GRM7: variants seen among roughly 807,000 people sequenced by gnomAD.
The protein encoded by GRM7 is glutamate metabotropic receptor 7, also known as metabotropic glutamate receptor 7.
GRM7 carries 35 observed loss-of-function variants against 84.5 expected under a neutral mutation model. The observed-to-expected ratio is 0.41, with a 90% CI of 0.32 to 0.55. GRM7 has a LOEUF of 0.55. Among genes scored for constraint, GRM7 ranks in the 20% least tolerant of loss-of-function variants. GRM7 has a pLI of 0.19. For synonymous variants in GRM7, 487 were observed against 455.1 expected (o/e 1.07, Z -0.89); for missense variants, 1,003 against 1,194.6 (o/e 0.84, Z 2.36).
At chr3:7,076,851 C>T (rs759183079) in intron 1 of GRM7, among the ~76,000 whole-genome samples, 1 of 152,112 alleles carries the variant, frequency 6.6e-6, no homozygotes, top group African/African-American at 2.4e-5. Context: ...GGGCTACTAT[C>T]CAGAATCTAC....
intron 2 of GRM7, among the ~76,000 whole-genome samples, chr3:7,174,821 GCAACTTTACTC>G (rs1695093577): frequency 6.6e-6 from 1 of 152,202 alleles, no homozygotes; most frequent in Admixed American, 6.5e-5. Flanking sequence ...GCCTTCCAGG[GCAACTTTACTC>G]AATGGAAAGA....
At position 7,229,747 on chromosome 3, in the gene GRM7, ATATATATATATATTTTT is replaced by A. The variant is rs1559514630; in HGVS notation, c.737-68935_737-68919del. Among the ~76,000 whole-genome samples, 29 of 29,766 alleles carry A rather than the reference ATATATATATATATTTTT, an allele frequency of 9.7e-4. 2 individuals are homozygous for A. The highest frequency in any genetic ancestry group is 1.2e-3 in the Non-Finnish European group (19 of 15,570). The allele number at this position is 29,766 out of a possible 152,430, so 19.5% of individuals were successfully genotyped here. The stretch of plus-strand genomic sequence containing the variant: ...CACACATATATATATATATATATAT[ATATATATATATATTTTT>A]TTTTTTTTTTGGTTGACAGGTGTTG... On this transcript the variant is annotated intron_variant, in intron 2 of 9. Transcript: ENST00000357716.
intron 4 of GRM7, among the ~76,000 whole-genome samples, chr3:7,359,066 C>T (rs1693541680): frequency 7.0e-6 from 1 of 142,194 alleles, no homozygotes; most frequent in Admixed American, 7.5e-5. Flanking sequence ...GAGCCGAGAT[C>T]ATGCCACTGC....
chr3:7,167,401 C>T lies in GRM7; in HGVS notation c.736+20733C>T, dbSNP rs578183098. Among the ~76,000 whole-genome samples, 25 of 152,284 alleles carry T rather than the reference C, an allele frequency of 1.6e-4. No individual in the cohort carries two copies. The East Asian group carries it at 4.6e-3, about 28-fold the overall frequency. On this transcript the variant is annotated intron_variant, in intron 2 of 9. Coordinates refer to ENST00000357716, the MANE Select transcript of GRM7 (RefSeq NM_000844.4). ...GGGTTTCCACACATCCCTGCATGTG[C>T]CATTGCAGAGGGCCATTTTATAGTT...
At chr3:7,607,141 A>G (rs1026258722) in intron 8 of GRM7, 1 of 152,166 alleles carries the variant, frequency 6.6e-6, no homozygotes, top group African/African-American at 2.4e-5. Flanking sequence ...ACAAAATGAC[A>G]CTTGATTTTC....
chr3:7,189,190 C>T (rs944598716), intron 2 of GRM7, among the ~76,000 whole-genome samples: 10 of 152,162 alleles, frequency 6.6e-5, no homozygotes, highest in Non-Finnish European at 1.0e-4. Flanking sequence ...ATGCATGTAT[C>T]TCAATATATC....
intron 8 of GRM7, among the ~76,000 whole-genome samples, chr3:7,639,179 T>A (rs1023996748): frequency 2.6e-5 from 4 of 152,222 alleles, no homozygotes; most frequent in Non-Finnish European, 2.9e-5. Flanking sequence ...TATCATTCAA[T>A]ATGTCCAGCA....
At chr3:7,043,075 A>C (rs976714872) in intron 1 of GRM7, among the ~76,000 whole-genome samples, 1 of 152,174 alleles carries the variant, frequency 6.6e-6, no homozygotes, top group Non-Finnish European at 1.5e-5. Context: ...TGCTCCATAC[A>C]TTATGAGGTT....
At chr3:7,286,718 T>A (rs1699443956) in intron 2 of GRM7, among the ~76,000 whole-genome samples, 1 of 152,168 alleles carries the variant, frequency 6.6e-6, no homozygotes, top group Non-Finnish European at 1.5e-5. Flanking sequence ...TGCATGCATG[T>A]CTCTTCCTCT....
intron 4 of GRM7, among the ~76,000 whole-genome samples, chr3:7,361,127 T>C (rs1693643416): frequency 6.6e-6 from 1 of 152,178 alleles, no homozygotes; most frequent in Admixed American, 6.5e-5. Context: ...TTTGTGTTTC[T>C]TTTCTTATTC....
At chr3:7,241,950 A>T (rs2875258) in intron 2 of GRM7, among the ~76,000 whole-genome samples, 1 of 152,140 alleles carries the variant, frequency 6.6e-6, no homozygotes, top group Non-Finnish European at 1.5e-5. Flanking sequence ...GCTGTTTTTT[A>T]AAAATCTCCT....
At chr3:7,208,220 T>C (rs528625810) in intron 2 of GRM7, among the ~76,000 whole-genome samples, 1 of 152,216 alleles carries the variant, frequency 6.6e-6, no homozygotes, top group Admixed American at 6.5e-5. Context: ...TTTCAGATAA[T>C]TTTTTCAGTG....
At position 7,328,430 on chromosome 3, in the gene GRM7, G is replaced by T. The variant is rs182552954; in HGVS notation, c.1033+21778G>T. ...AGTATTTTAGCTTCCCTGCTGCTTT[G>T]AGATGGCCAGGTGTCTGAGTTCTGG... On this transcript the variant is annotated intron_variant, in intron 4 of 9. Transcript: ENST00000357716. 3.3e-5 allele frequency among the ~76,000 whole-genome samples: 5 copies of T among 152,246 alleles called. No homozygotes were observed. The East Asian group carries it at 9.7e-4, about 29-fold the overall frequency.
intron 4 of GRM7, among the ~76,000 whole-genome samples, chr3:7,400,343 C>T (rs1221485590): frequency 6.6e-6 from 1 of 152,158 alleles, no homozygotes; most frequent in Non-Finnish European, 1.5e-5. Flanking sequence ...GTATATTCTT[C>T]CTCAAATGCA....
chr3:7,474,636 T>A (rs1460558663), intron 7 of GRM7, among the ~76,000 whole-genome samples: 1 of 151,588 alleles, frequency 6.6e-6, no homozygotes, highest in Non-Finnish European at 1.5e-5. Context: ...GGTATCAGAG[T>A]TTTTTTTAAG....
intron 1 of GRM7, among the ~76,000 whole-genome samples, chr3:7,129,501 G>C (rs1693520256): frequency 6.6e-6 from 1 of 152,214 alleles, no homozygotes; most frequent in African/African-American, 2.4e-5. Flanking sequence ...GCAACTACGT[G>C]TGATTCATGA....
Position 7,493,615 on chromosome 3 carries a change from T to C in GRM7, c.1515+31893T>C, listed in dbSNP as rs1699600576. On this transcript the variant is annotated intron_variant, in intron 7 of 9. Coordinates refer to ENST00000357716, the MANE Select transcript of GRM7 (RefSeq NM_000844.4). ...TTAAGTAGCATATAAGTGGGTCATA[T>C]TTTTTATCCATTTTACTAAGCTCTG... Among the ~76,000 whole-genome samples, 5 of 152,132 alleles carry C rather than the reference T, an allele frequency of 3.3e-5. No homozygotes were observed. In the South Asian group the frequency reaches 1.0e-3, roughly 32 times the overall value.
In GRM7 at chr3:7,188,756, G is replaced by A. The variant is rs1209979209; in HGVS notation, c.736+42088G>A. ...CTATTGGTGGACAGCTTTCTCCCAT[G>A]TGGCAATTTTGAGATTCAGCCTCCT... On this transcript the variant is annotated intron_variant, in intron 2 of 9. Coordinates refer to ENST00000357716, the MANE Select transcript of GRM7 (RefSeq NM_000844.4). The surrounding 1 kb of genome is among the most constrained non-coding windows in gnomAD (Gnocchi z 4.2). Among the ~76,000 whole-genome samples the A allele has an allele frequency of 6.6e-6, 1 of 152,142 alleles. No homozygotes were observed. Among genetic ancestry groups the A allele is most frequent in the Non-Finnish European group, 1.5e-5 (1 of 68,028 alleles).
intron 4 of GRM7, among the ~76,000 whole-genome samples, chr3:7,414,707 G>T (rs1220981823): frequency 2.6e-5 from 4 of 152,094 alleles, no homozygotes; most frequent in Non-Finnish European, 5.9e-5. Context: ...ATCAGGAGCT[G>T]ACATGGTTAG....
Sources: allele counts gnomAD v4.1 joint callset (sites outside exome capture counted in the v4.1 genomes callset), GRCh38; gene constraint gnomAD v4.1.1; non-coding constraint Gnocchi (gnomAD v3.1); transcripts MANE v1.5; gene names NCBI Gene and HGNC (gene_info 2026-07-23, HGNC 2026-07-21).